NHERF2: variants seen among roughly 807,000 people sequenced by gnomAD.
NHERF2 encodes the protein Na(+)/H(+) exchange regulatory cofactor NHE-RF2.
chr16:2,038,253 CAGAG>C, the NHERF2 span: 614 of 579,866 alleles, frequency 1.1e-3, 8 homozygotes, highest in South Asian at 9.2e-3. Context: ...CAGAGAGAGA[CAGAG>C]AGAGAGCGAG....
the NHERF2 span, chr16:2,035,475 C>T: frequency 5.0e-5 from 49 of 986,170 alleles, no homozygotes; most frequent in Non-Finnish European, 5.4e-5. Flanking sequence ...CCCCAGCCCG[C>T]CTGCACAGTC....
chr16:2,029,661 G>T, the NHERF2 span: 1 of 1,567,264 alleles, frequency 6.4e-7, no homozygotes, highest in South Asian at 1.2e-5. Flanking sequence ...GAGCTCCGCC[G>T]GCGGCAGCTG....
the NHERF2 span, chr16:2,033,148 G>A: frequency 2.1e-6 from 3 of 1,415,450 alleles, no homozygotes; most frequent in African/African-American, 4.3e-5. Context: ...CTGGGTGGGG[G>A]GCGCCAGGCT....
At chr16:2,036,605 TG>T in the NHERF2 span, 1 of 1,522,056 alleles carries the variant, frequency 6.6e-7, no homozygotes, top group Non-Finnish European at 8.8e-7. Context: ...GAACCTGAGC[TG>T]GTGCGCCTCC....
At chr16:2,037,118 C>T in the NHERF2 span, 3 of 1,196,972 alleles carry the variant, frequency 2.5e-6, no homozygotes, top group African/African-American at 1.5e-5. Flanking sequence ...CGATTTTAGC[C>T]CTGTCACCTC....
At chr16:2,028,668 G>A in the NHERF2 span, among the ~76,000 whole-genome samples, 5 of 152,166 alleles carry the variant, frequency 3.3e-5, no homozygotes, top group Admixed American at 3.3e-4. Context: ...GGGAAGATGG[G>A]CCTGGCTCAG....
chr16:2,031,210 G>A, the NHERF2 span, among the ~76,000 whole-genome samples: 2 of 152,224 alleles, frequency 1.3e-5, no homozygotes, highest in Non-Finnish European at 2.9e-5. Context: ...CTGCCCGTGG[G>A]ACCTGTGGGA....
the NHERF2 span, chr16:2,029,544 T>G: frequency 6.5e-7 from 1 of 1,536,470 alleles, no homozygotes; most frequent in Non-Finnish European, 8.8e-7. Flanking sequence ...GCCCGGAATG[T>G]GGGCCACTGA....
chr16:2,036,268 G>A, the NHERF2 span: 3 of 1,514,912 alleles, frequency 2.0e-6, no homozygotes, highest in South Asian at 1.3e-5. Flanking sequence ...CCGGGGAGTG[G>A]CCTCTGGAGG....
At chr16:2,032,965 C>T in the NHERF2 span, 13 of 1,100,416 alleles carry the variant, frequency 1.2e-5, no homozygotes, top group African/African-American at 6.8e-5. This position sits in a 1 kb window ranked among gnomAD's most constrained non-coding sequence, Gnocchi z 4.0. Flanking sequence ...GGTTGGGGCG[C>T]GGTGCCTGCG....
chr16:2,033,163 C>G, the NHERF2 span: 2 of 1,423,674 alleles, frequency 1.4e-6, no homozygotes, highest in Non-Finnish European at 1.8e-6. Flanking sequence ...CAGGCTGGAG[C>G]CTTCGCAGGG....
the NHERF2 span, chr16:2,033,567 C>A: frequency 1.1e-6 from 1 of 946,326 alleles, no homozygotes; most frequent in Non-Finnish European, 1.5e-6. Context: ...CTTTCTCTGC[C>A]AGGGCTGGTG....
chr16:2,036,066 AG>A, the NHERF2 span: 1 of 497,696 alleles, frequency 2.0e-6, no homozygotes, highest in Non-Finnish European at 3.6e-6. Context: ...CTCGAGCCAA[AG>A]GAATTCTCCC....
chr16:2,036,926 G>A, the NHERF2 span: 10 of 1,577,478 alleles, frequency 6.3e-6, 1 homozygote, highest in South Asian at 1.2e-4. Flanking sequence ...TGTGGTGGCT[G>A]AGCAGCCACT....
the NHERF2 span, chr16:2,032,974 C>CG: frequency 1.8e-6 from 2 of 1,118,368 alleles, no homozygotes; most frequent in South Asian, 2.2e-5. This position sits in a 1 kb window ranked among gnomAD's most constrained non-coding sequence, Gnocchi z 4.0. Context: ...GCGGTGCCTG[C>CG]GGGGGCTTCC....
chr16:2,037,687 T>A, the NHERF2 span: 1 of 1,562,242 alleles, frequency 6.4e-7, no homozygotes, highest in Non-Finnish European at 8.7e-7. Context: ...GCCCGGGCAG[T>A]GGGGTCTCTG....
At chr16:2,029,184 C>T in the NHERF2 span, among the ~76,000 whole-genome samples, 2 of 152,206 alleles carry the variant, frequency 1.3e-5, no homozygotes, top group Non-Finnish European at 2.9e-5. Context: ...GACTTTGAAA[C>T]AGATGGATGC....
chr16:2,034,017 A>G, the NHERF2 span, among the ~76,000 whole-genome samples: 2 of 152,182 alleles, frequency 1.3e-5, no homozygotes, highest in African/African-American at 4.8e-5. Context: ...GGTGGCCAGA[A>G]TGACCCTGAG....
chr16:2,034,113 C>T, the NHERF2 span, among the ~76,000 whole-genome samples: 8,475 of 152,278 alleles, frequency 0.056, 389 homozygotes, highest in Admixed American at 0.14. Flanking sequence ...GAAACCCTGC[C>T]CCGCAGGCCG....
Sources: allele counts gnomAD v4.1 joint callset (sites outside exome capture counted in the v4.1 genomes callset), GRCh38; gene constraint gnomAD v4.1.1; non-coding constraint Gnocchi (gnomAD v3.1); transcripts MANE v1.5; gene names NCBI Gene and HGNC (gene_info 2026-07-23, HGNC 2026-07-21).